Variants in FIP1L1 observed in about 807,000 individuals in gnomAD.
FIP1L1 encodes the protein pre-mRNA 3'-end-processing factor FIP1.
Under a neutral mutation model 84.6 loss-of-function variants are expected in FIP1L1, and 21 were observed. That is an observed-to-expected ratio of 0.25 (90% confidence interval 0.18 to 0.36). The LOEUF (loss-of-function observed/expected upper bound fraction) is 0.36, where lower values mean the gene tolerates loss of function less well. FIP1L1 is among the 10% of genes least tolerant of loss of function. The probability of loss-of-function intolerance (pLI) is 1.00; values close to 1 mark genes in which losing one functional copy is unlikely to be tolerated. For missense variants in FIP1L1, 526 were observed against 751.1 expected (o/e 0.70, Z 3.50); for synonymous variants, 263 against 242.3 (o/e 1.09, Z -0.80).
intron 14 of FIP1L1, among the ~76,000 whole-genome samples, chr4:53,443,311 G>A (rs1772800255): frequency 6.6e-6 from 1 of 152,154 alleles, no homozygotes; most frequent in African/African-American, 2.4e-5. Flanking sequence ...AGCCCTTTGA[G>A]ACTCAGTTTT....
At chr4:53,391,200 A>G (rs1466967970) in intron 8 of FIP1L1, 61 bp downstream of exon 8, 23 of 1,516,036 alleles carry the variant, frequency 1.5e-5, no homozygotes, top group South Asian at 5.1e-5. Context: ...TTACTCCCCA[A>G]ATAAATCGCT....
In FIP1L1 at chr4:53,459,930, G is replaced by GAGACTCAA. The variant is rs1721520608; in HGVS notation, c.*482_*483insGACTCAAA. On this transcript the variant is annotated 3_prime_UTR_variant, in exon 18 of 18. Transcript: ENST00000337488. ...TATATTAAGAGACTCATACATTTTT[G>GAGACTCAA]ATATCACAACTTTTTGATGGCTTTT... 4.6e-6 allele frequency: 1 copy of GAGACTCAA among 218,272 alleles called. No homozygotes were observed. The highest frequency in any genetic ancestry group is 9.2e-6 in the Non-Finnish European group (1 of 108,648). The allele number at this position is 218,272 out of a possible 1,614,324, so 13.5% of individuals were successfully genotyped here. A position where few individuals can be genotyped will look rare whatever the true frequency, so the allele number is the denominator to read the frequency against.
At chr4:53,390,399 T>A (rs1283866018) in intron 6 of FIP1L1, 122 bp from the exon 7 acceptor site, 7 of 574,802 alleles carry the variant, frequency 1.2e-5, no homozygotes, top group African/African-American at 1.2e-4. Context: ...GATGTTTGTT[T>A]TCTGTTTGTG....
intron 13 of FIP1L1, among the ~76,000 whole-genome samples, chr4:53,432,455 C>A (rs1457473426): frequency 1.4e-5 from 2 of 145,626 alleles, no homozygotes; most frequent in Non-Finnish European, 3.0e-5. Context: ...TAATTTAGTT[C>A]TTCTATAATA....
intron 10 of FIP1L1, among the ~76,000 whole-genome samples, chr4:53,401,929 T>A (rs1335364883): frequency 6.6e-6 from 1 of 152,104 alleles, no homozygotes; most frequent in Non-Finnish European, 1.5e-5. Context: ...CAAAATGGAA[T>A]TAGACCATAA....
At position 53,383,819 on chromosome 4, in the gene FIP1L1, A is replaced by T. The variant is rs374375670; in HGVS notation, c.275A>T (p.Asp92Val). 1.2e-6 allele frequency: 2 copies of T among 1,612,558 alleles called. No homozygotes were observed. The highest frequency in any genetic ancestry group is 2.7e-5 in the African/African-American group (2 of 74,902). ...GATAGTGATAGTGACAGCGATGATGATGAAGATGATGTTCATGTCACTATA... is the reference window on the plus strand; with the variant it reads ...GATAGTGATAGTGACAGCGATGATGTTGAAGATGATGTTCATGTCACTATA... ...EDDSDSDSDD[D>V]EDDVHVTIGD... Residue 92 changes from aspartate to valine, a missense_variant, in exon 5 of 18, where the codon GAT (aspartate) becomes GTT (valine). Transcript: ENST00000337488.
chr4:53,460,282 AAAC>A lies in FIP1L1; in HGVS notation c.*836_*838del, dbSNP rs1328763806. On this transcript the variant is annotated 3_prime_UTR_variant, in exon 18 of 18. Transcript: ENST00000337488. ...CTTTAGCCATTTCTTACTAAAAACA[AAAC>A]AAGTTTATAATTAATTCTCTGAGCG... is the stretch of plus-strand genomic sequence containing the variant. 3 of 191,260 alleles carry A rather than the reference AAAC, an allele frequency of 1.6e-5. No homozygotes were observed. The highest frequency in any genetic ancestry group is 2.2e-5 in the Non-Finnish European group (2 of 91,474). 11.8% of individuals were successfully genotyped at this position (191,260 alleles called of 1,614,324 possible).
chr4:53,433,438 T>C (rs74914391), intron 13 of FIP1L1, among the ~76,000 whole-genome samples: 19,425 of 152,222 alleles, frequency 0.13, 1,319 homozygotes, highest in Non-Finnish European at 0.16. Context: ...TAATTAATGA[T>C]TGTGAGCTAA....
intron 8 of FIP1L1, 45 bp from the exon 9 acceptor site, chr4:53,391,385 A>G: frequency 6.6e-7 from 1 of 1,508,586 alleles, no homozygotes; most frequent in Non-Finnish European, 9.2e-7. Context: ...CCTATTAATT[A>G]AATATTATGT....
At chr4:53,381,560 T>C (rs970608355) in intron 3 of FIP1L1, among the ~76,000 whole-genome samples, 3 of 152,188 alleles carry the variant, frequency 2.0e-5, no homozygotes, top group South Asian at 2.1e-4. Context: ...ATAACAGTTA[T>C]GTTTTGACTT....
Position 53,383,398 on chromosome 4 carries a change from A to G in FIP1L1, c.229-375A>G, listed in dbSNP as rs188826662. 3.9e-4 allele frequency among the ~76,000 whole-genome samples: 59 copies of G among 152,314 alleles called. No homozygotes were observed. In the Middle Eastern group the frequency reaches 0.02, roughly 53 times the overall value. On this transcript the variant is annotated intron_variant, in intron 4 of 17. Coordinates refer to ENST00000337488, the MANE Select transcript of FIP1L1 (RefSeq NM_030917.4). The stretch of plus-strand genomic sequence containing the variant: ...AGAGTGGGGCCGGGCATGGTGGCTC[A>G]CGCCTGTAATTCCAGCACTTTGGGA...
intron 9 of FIP1L1, among the ~76,000 whole-genome samples, chr4:53,395,704 G>T (rs1371028106): frequency 6.6e-6 from 1 of 152,112 alleles, no homozygotes; most frequent in Non-Finnish European, 1.5e-5. Context: ...ACTGTTTTAG[G>T]ATGAGACATA....
intron 10 of FIP1L1, among the ~76,000 whole-genome samples, chr4:53,405,371 T>A (rs1560515291): frequency 6.6e-6 from 1 of 152,180 alleles, no homozygotes; most frequent in Non-Finnish European, 1.5e-5. Flanking sequence ...GGTCTATATC[T>A]CTGTTTTGGT....
intron 13 of FIP1L1, among the ~76,000 whole-genome samples, chr4:53,437,097 C>T (rs1264593693): frequency 5.9e-5 from 9 of 151,846 alleles, no homozygotes; most frequent in Non-Finnish European, 7.4e-5. Flanking sequence ...GAGGCTGAGG[C>T]GGGTGGATCG....
At chr4:53,407,705 T>G (rs1174940373) in intron 10 of FIP1L1, among the ~76,000 whole-genome samples, 1 of 152,168 alleles carries the variant, frequency 6.6e-6, no homozygotes, top group Non-Finnish European at 1.5e-5. Flanking sequence ...ATATTTAGGA[T>G]AGTTAGCTCT....
intron 13 of FIP1L1, among the ~76,000 whole-genome samples, chr4:53,429,746 A>G (rs906978162): frequency 2.0e-5 from 3 of 152,132 alleles, no homozygotes; most frequent in East Asian, 1.9e-4. Flanking sequence ...GATTATGTCT[A>G]CATTGTAGTA....
chr4:53,444,007 T>TA, intron 14 of FIP1L1, 41 bp from the exon 15 acceptor site: 1 of 1,442,960 alleles, frequency 6.9e-7, no homozygotes, highest in South Asian at 1.2e-5. Context: ...ATTCAGAACT[T>TA]ATTTGTACCA....
intron 10 of FIP1L1, among the ~76,000 whole-genome samples, chr4:53,413,983 T>C (rs923032776): frequency 3.4e-4 from 51 of 152,202 alleles, no homozygotes; most frequent in African/African-American, 1.2e-3. Context: ...TAAACATGTA[T>C]ATATATCCTG....
intron 13 of FIP1L1, among the ~76,000 whole-genome samples, chr4:53,428,910 A>G (rs916900997): frequency 2.3e-4 from 35 of 152,216 alleles, no homozygotes; most frequent in African/African-American, 8.4e-4. Flanking sequence ...AAATGATGAA[A>G]AAATAGCTGC....
Sources: allele counts gnomAD v4.1 joint callset (sites outside exome capture counted in the v4.1 genomes callset), GRCh38; gene constraint gnomAD v4.1.1; transcripts MANE v1.5; gene names NCBI Gene and HGNC (gene_info 2026-07-23, HGNC 2026-07-21).